Variants in PHACTR3 observed in about 807,000 individuals in gnomAD.
The protein encoded by PHACTR3 is phosphatase and actin regulator 3.
Under a neutral mutation model 66.8 loss-of-function variants are expected in PHACTR3, and 16 were observed. The ratio of observed to expected loss-of-function variants is 0.24; its 90% CI spans 0.16 to 0.36. The LOEUF (loss-of-function observed/expected upper bound fraction) is 0.36. Among genes scored for constraint, PHACTR3 ranks in the 10% least tolerant of loss-of-function variants. The pLI, the probability that PHACTR3 is intolerant of heterozygous loss-of-function variation, is 1.00. For synonymous variants in PHACTR3, 323 were observed against 292.1 expected (o/e 1.11, Z -1.08); for missense variants, 647 against 719.9 (o/e 0.90, Z 1.16).
intron 9 of PHACTR3, among the ~76,000 whole-genome samples, chr20:59,839,909 A>T (rs1217310263): frequency 6.6e-6 from 1 of 152,254 alleles, no homozygotes; most frequent in Non-Finnish European, 1.5e-5. Flanking sequence ...TTGGTTAAAA[A>T]GTCTGTACGC....
chr20:59,642,705 C>T (rs1457483365), intron 1 of PHACTR3, among the ~76,000 whole-genome samples: 1 of 152,100 alleles, frequency 6.6e-6, no homozygotes, highest in East Asian at 1.9e-4. Context: ...TTAAGGCTGC[C>T]TGCCTTTTTG....
chr20:59,593,339 C>T (rs771591965), intron 1 of PHACTR3, among the ~76,000 whole-genome samples: 5 of 152,168 alleles, frequency 3.3e-5, no homozygotes, highest in Non-Finnish European at 5.9e-5. Flanking sequence ...GGCCCATTTT[C>T]AAATCAAATT....
At chr20:59,600,945 C>CTTT (rs11477966), upstream of PHACTR3, among the ~76,000 whole-genome samples, 1 of 137,590 alleles carries the variant, frequency 7.3e-6, no homozygotes. Context: ...CCTCTACATG[C>CTTT]TTTTTTTTTT....
chr20:59,733,239 TATC>T (rs1313637102), intron 1 of PHACTR3, among the ~76,000 whole-genome samples: 3 of 152,148 alleles, frequency 2.0e-5, no homozygotes, highest in Non-Finnish European at 2.9e-5. Flanking sequence ...ACACCCAAAA[TATC>T]ATGCTCTTCA....
At chr20:59,714,720 C>T (rs1474661090) in intron 1 of PHACTR3, among the ~76,000 whole-genome samples, 5 of 152,150 alleles carry the variant, frequency 3.3e-5, no homozygotes, top group Admixed American at 3.3e-4. Context: ...ACACATAAAC[C>T]TTTTGTAAGT....
intron 5 of PHACTR3, among the ~76,000 whole-genome samples, chr20:59,769,857 G>A (rs998360398): frequency 6.6e-6 from 1 of 152,190 alleles, no homozygotes; most frequent in African/African-American, 2.4e-5. Context: ...TATGCAACAT[G>A]GCCACATAAA....
At position 59,847,054 on chromosome 20, in the gene PHACTR3, G is replaced by A; in HGVS notation, c.1665-61G>A. On this transcript the variant is annotated intron_variant, in intron 12 of 12. Transcript: ENST00000371015. ...GCAAATTTATTTGTATAAGGTTTTTGGCTATTTTAACTGCTAGAAATGAAT... is the reference window on the plus strand; with the variant it reads ...GCAAATTTATTTGTATAAGGTTTTTAGCTATTTTAACTGCTAGAAATGAAT... The A allele has an allele frequency of 5.2e-6, 6 of 1,156,732 alleles. No individual in the cohort carries two copies. The South Asian group carries it at 5.4e-5, about 10-fold the overall frequency. The allele number at this position is 1,156,732 out of a possible 1,614,324, so 71.7% of individuals were successfully genotyped here. A position where few individuals can be genotyped will look rare whatever the true frequency, so the allele number is the denominator to read the frequency against.
intron 7 of PHACTR3, among the ~76,000 whole-genome samples, chr20:59,785,054 A>G (rs1390024278): frequency 3.9e-5 from 6 of 152,142 alleles, no homozygotes; most frequent in Admixed American, 2.0e-4. Context: ...GGGAGGGGCC[A>G]TGAGGAGGCT....
At chr20:59,842,462 C>T (rs946307648) in intron 11 of PHACTR3, among the ~76,000 whole-genome samples, 14 of 152,112 alleles carry the variant, frequency 9.2e-5, no homozygotes, top group Admixed American at 3.3e-4. Flanking sequence ...CACAGTGATG[C>T]GAGGAGAAGT....
At chr20:59,725,861 T>G (rs1200073051) in intron 1 of PHACTR3, among the ~76,000 whole-genome samples, 1 of 152,144 alleles carries the variant, frequency 6.6e-6, no homozygotes, top group Non-Finnish European at 1.5e-5. Context: ...GGAGTTGGCC[T>G]GTAGGGGTGC....
At chr20:59,798,147 A>G (rs1301830400) in intron 7 of PHACTR3, among the ~76,000 whole-genome samples, 1 of 152,212 alleles carries the variant, frequency 6.6e-6, no homozygotes, top group African/African-American at 2.4e-5. Flanking sequence ...CCCATTCTTC[A>G]TAGGTGGCAC....
intron 1 of PHACTR3, among the ~76,000 whole-genome samples, chr20:59,729,884 G>A (rs774265917): frequency 6.6e-6 from 1 of 152,128 alleles, no homozygotes; most frequent in Non-Finnish European, 1.5e-5. Flanking sequence ...AATCCTCCTC[G>A]GTGTGTCAGG....
chr20:59,631,810 C>A (rs533951472), intron 1 of PHACTR3, among the ~76,000 whole-genome samples: 12 of 152,248 alleles, frequency 7.9e-5, no homozygotes, highest in African/African-American at 2.9e-4. Flanking sequence ...GAAACATCAC[C>A]CCAGGCTGGC....
intron 1 of PHACTR3, among the ~76,000 whole-genome samples, chr20:59,735,431 C>A (rs1265713391): frequency 2.0e-5 from 3 of 152,068 alleles, no homozygotes; most frequent in African/African-American, 7.2e-5. Flanking sequence ...AGAAATCAGC[C>A]ATGTAGCACA....
rs2040416239 is a variant in PHACTR3, at chr20:59,773,301, C to T, written c.774C>T (p.Ala258=). The T allele has an allele frequency of 6.2e-7, 1 of 1,614,074 alleles. No homozygotes were observed. Among genetic ancestry groups the T allele is most frequent in the Non-Finnish European group, 8.5e-7 (1 of 1,179,966 alleles). ...CAGGCCAAGCCACACTCTTCCAAGC[C>T]TCCAGCATGAAGAGTGCCGACCCTT... ...NVTGQATLFQ[A]SSMKSADPSL... The change falls in exon 6 of 13, where the codon GCC becomes GCT. Residue 258 remains alanine (A), a synonymous_variant. Coordinates refer to ENST00000371015, the MANE Select transcript of PHACTR3 (RefSeq NM_080672.5).
chr20:59,818,305 C>T (rs138794671), intron 8 of PHACTR3, among the ~76,000 whole-genome samples: 36 of 152,174 alleles, frequency 2.4e-4, no homozygotes, highest in African/African-American at 8.2e-4. Context: ...TTTGGGGCCA[C>T]GGGAAGGATG....
intron 1 of PHACTR3, among the ~76,000 whole-genome samples, chr20:59,694,408 G>A (rs1002862748): frequency 6.6e-6 from 1 of 151,824 alleles, no homozygotes; most frequent in Non-Finnish European, 1.5e-5. Flanking sequence ...TTATATCATT[G>A]GCACCTAGTA....
At position 59,618,624 on chromosome 20, in the gene PHACTR3, A is replaced by G. The variant is rs535589935; in HGVS notation, c.118+13492A>G. Among the ~76,000 whole-genome samples the G allele has an allele frequency of 3.9e-5, 6 of 152,348 alleles. No homozygotes were observed. The East Asian group carries it at 1.2e-3, about 29-fold the overall frequency. ...GAGAGGGAAGGGAAGGGTATGTGCC[A>G]TGAGGCACCTACGTGGTGTCTGGGC... On this transcript the variant is annotated intron_variant, in intron 1 of 12. Transcript: ENST00000371015.
In PHACTR3 at chr20:59,585,551, C is replaced by T. The variant is rs2032999929; in HGVS notation, c.109+7934C>T. On this transcript the variant is annotated intron_variant, in intron 1 of 12. Transcript: ENST00000359926. Reference sequence around the variant, plus strand: ...CCCAGCACAGTAATCACCCTGTTCACTCTCTTGTTAATGATCCATCTGCTC... The same window carrying T: ...CCCAGCACAGTAATCACCCTGTTCATTCTCTTGTTAATGATCCATCTGCTC... Among the ~76,000 whole-genome samples, 4 of 152,192 alleles carry T rather than the reference C, an allele frequency of 2.6e-5. 1 individual carries two copies. In the South Asian group the frequency reaches 8.3e-4, roughly 32 times the overall value.
Sources: allele counts gnomAD v4.1 joint callset (sites outside exome capture counted in the v4.1 genomes callset), GRCh38; gene constraint gnomAD v4.1.1; transcripts MANE v1.5; gene names NCBI Gene and HGNC (gene_info 2026-07-23, HGNC 2026-07-21).